GATA2: variants seen among roughly 807,000 people sequenced by gnomAD.
GATA2 encodes endothelial transcription factor GATA-2.
Under a neutral mutation model 35.7 loss-of-function variants are expected in GATA2, and 6 were observed. That is an observed-to-expected ratio of 0.17 (90% CI 0.09 to 0.33). The LOEUF (loss-of-function observed/expected upper bound fraction) is 0.33, where lower values mean the gene tolerates loss of function less well. GATA2 is among the 10% of genes least tolerant of loss of function. The pLI, the probability that GATA2 is intolerant of heterozygous loss-of-function variation, is 1.00. For missense variants in GATA2, 541 were observed against 656.6 expected, an observed-to-expected ratio of 0.82 and a Z score of 1.92; for synonymous variants, 313 against 274.9, an observed-to-expected ratio of 1.14 and a Z score of -1.37.
At position 128,486,302 on chromosome 3, in the gene GATA2, T is replaced by C. The variant is rs766288736; in HGVS notation, c.296A>G (p.Asp99Gly). Residue 99 changes from aspartate (D) to glycine (G), a missense_variant, in exon 3 of 6, where the codon GAC (aspartate) becomes GGC (glycine). Transcript: ENST00000341105. Reference sequence around the variant, plus strand: ...GGCAGAGAGGGCTGCTTTGCCCCCGTCCAGCCAGGGCAAACCCGGGCTGTG... The same window carrying C: ...GGCAGAGAGGGCTGCTTTGCCCCCGCCCAGCCAGGGCAAACCCGGGCTGTG... ...LLHSPGLPWL[D>G]GGKAALSAAA... 2.5e-6 allele frequency: 4 copies of C among 1,592,102 alleles called. No homozygotes were observed. Among genetic ancestry groups the C allele is most frequent in the Non-Finnish European group, 3.4e-6 (4 of 1,171,970 alleles).
intron 1 of GATA2, chr3:128,490,055 C>A (rs2107676147): frequency 6.6e-6 from 1 of 152,378 alleles, no homozygotes. Flanking sequence ...CTACGCGCGT[C>A]CCTCGGGAAA....
chr3:128,481,172 T>G lies in GATA2; in HGVS notation c.1290A>C (p.Ala430=), dbSNP rs766740489. ...GTGCCATGTGTCCAGCCAGGGCAGC[T>G]GCACTGAAGGGGGATGACTTCTCCT... ...CMQEKSSPFS[A]AALAGHMAPV... The change falls in exon 6 of 6, where the codon GCA becomes GCC. Residue 430 remains alanine, a synonymous_variant. Coordinates refer to ENST00000341105, the MANE Select transcript of GATA2 (RefSeq NM_032638.5). The G allele has an allele frequency of 6.2e-7, 1 of 1,614,232 alleles. No homozygotes were observed. Among genetic ancestry groups the G allele is most frequent in the East Asian group, 2.2e-5 (1 of 44,884 alleles).
intron 4 of GATA2, among the ~76,000 whole-genome samples, chr3:128,482,872 A>G (rs1185110459): frequency 6.6e-6 from 1 of 152,198 alleles, no homozygotes. Flanking sequence ...CTTCCCAGAG[A>G]ACTGCAGGCG....
Position 128,480,918 on chromosome 3 carries a change from C to T in GATA2, c.*101G>A, listed in dbSNP as rs886057926. On this transcript the variant is annotated 3_prime_UTR_variant, in exon 6 of 6. Transcript: ENST00000341105. ...CAGGAGAGGGGGTGCTGGGCCGAGCCGGGCTGGCAGGAGTGGTGTCGGCCT... is the reference window on the plus strand; with the variant it reads ...CAGGAGAGGGGGTGCTGGGCCGAGCTGGGCTGGCAGGAGTGGTGTCGGCCT... The T allele has an allele frequency of 3.1e-5, 42 of 1,344,438 alleles. No homozygotes were observed. Among genetic ancestry groups the T allele is most frequent in the Non-Finnish European group, 3.8e-5 (38 of 1,003,182 alleles). 83.3% of individuals were successfully genotyped at this position (1,344,438 alleles called of 1,614,324 possible). A position where few individuals can be genotyped will look rare whatever the true frequency, so the allele number is the denominator to read the frequency against.
At chr3:128,492,537 C>A (rs2068790187) in intron 1 of GATA2, among the ~76,000 whole-genome samples, 1 of 152,188 alleles carries the variant, frequency 6.6e-6, no homozygotes, top group South Asian at 2.1e-4. Context: ...CTCGGCGGCC[C>A]GGCTCGGACG....
rs775516037 is a variant in GATA2, at chr3:128,483,911, G to A, written c.966C>T (p.Tyr322=). Residue 322 remains tyrosine, a synonymous_variant, in exon 4 of 6, where the codon TAC becomes TAT. Transcript: ENST00000341105. ...GHYLCNACGL[Y]HKMNGQNRPL... is the part of the protein sequence containing the mutation. ...GTCGGTTCTGCCCATTCATCTTGTG[G>A]TAGAGGCCACAGGCATTGCACAGGT... 3.7e-6 allele frequency: 6 copies of A among 1,614,190 alleles called. No individual in the cohort carries two copies. The Admixed American group carries it at 5.0e-5, about 13-fold the overall frequency.
At chr3:128,486,676 G>T in intron 2 of GATA2, 127 bp downstream of exon 2, 1 of 992,780 alleles carries the variant, frequency 1.0e-6, no homozygotes, top group Non-Finnish European at 1.5e-6. Context: ...CACCTCTCCC[G>T]CCCCAATTTT....
In GATA2 at chr3:128,481,317, A is replaced by G. The variant is rs1240484231; in HGVS notation, c.1145T>C (p.Val382Ala). The G allele has an allele frequency of 1.9e-6, 3 of 1,612,158 alleles. No individual in the cohort carries two copies. In the South Asian group the frequency reaches 3.3e-5, roughly 18 times the overall value. ...ACGLYYKLHN[V>A]NRPLTMKKEG... ...CTTCTTCATGGTCAGTGGCCTGTTA[A>G]CCTAGAGGCAACCACCAGTTTTCAG... is the stretch of plus-strand genomic sequence containing the variant. Residue 382 changes from valine to alanine, a missense_variant and splice_region_variant, in exon 6 of 6, where the codon GTT becomes GCT. This residue lies in a region of GATA2 where 23 missense variants were observed against 67.2 expected (regional missense o/e 0.34). Transcript: ENST00000341105.
At chr3:128,483,809 C>T (rs2068660190) in intron 4 of GATA2, 51 bp downstream of exon 4, 13 of 1,613,248 alleles carry the variant, frequency 8.1e-6, no homozygotes, top group African/African-American at 2.7e-5. Flanking sequence ...TGTAATTAAC[C>T]GCCAGCTCCT....
At chr3:128,482,416 G>A (rs1398101000) in intron 4 of GATA2, among the ~76,000 whole-genome samples, 1 of 152,200 alleles carries the variant, frequency 6.6e-6, no homozygotes, top group Non-Finnish European at 1.5e-5. Flanking sequence ...GGCCAGCGCA[G>A]GTTTACAGAG....
Position 128,491,208 on chromosome 3 carries a change from G to GCCC in GATA2, c.-46+1688_-46+1690dup, listed in dbSNP as rs373070119. 1.3e-4 allele frequency among the ~76,000 whole-genome samples: 14 copies of GCCC among 107,440 alleles called. 3 individuals carry two copies. The highest frequency in any genetic ancestry group is 4.1e-4 in the African/African-American group (10 of 24,244). The allele number at this position is 107,440 out of a possible 152,430, so 70.5% of individuals were successfully genotyped here. ...ATGCCCAGGTCTCCCCGGCCGTCCA[G>GCCC]CCCCCCCCCCCCTCTGAGCCCTTTG... On this transcript the variant is annotated intron_variant, in intron 1 of 5. Coordinates refer to ENST00000341105, the MANE Select transcript of GATA2 (RefSeq NM_032638.5).
In GATA2 at chr3:128,486,858, G is replaced by T. The variant is rs112460453; in HGVS notation, c.174C>A (p.Pro58=). 5 of 1,612,332 alleles carry T rather than the reference G, an allele frequency of 3.1e-6. No individual in the cohort carries two copies. The East Asian group carries it at 1.1e-4, about 36-fold the overall frequency. ...GCGCGTGAGCGGGGTTGGCATAGTA[G>T]GGGTTGCCCTGCGAGTCGAGGTGAT... ...FFNHLDSQGN[P]YYANPAHARA... The change falls in exon 2 of 6, where the codon CCC becomes CCA. Residue 58 remains proline (P), a synonymous_variant. Coordinates refer to ENST00000341105, the MANE Select transcript of GATA2 (RefSeq NM_032638.5).
At chr3:128,485,678 A>G (rs773110161) in intron 3 of GATA2, 49 bp downstream of exon 3, 2 of 1,597,192 alleles carry the variant, frequency 1.3e-6, no homozygotes, top group South Asian at 2.3e-5. Flanking sequence ...CCCACCACAA[A>G]AACGCAAATG....
intron 1 of GATA2, chr3:128,490,515 C>A (rs1282639068): frequency 6.6e-6 from 1 of 152,256 alleles, no homozygotes; most frequent in East Asian, 1.9e-4. Context: ...GAAGCCTCCA[C>A]CTCGGTTGCA....
intron 4 of GATA2, among the ~76,000 whole-genome samples, chr3:128,483,620 C>T (rs934061717): frequency 2.0e-5 from 3 of 152,130 alleles, no homozygotes; most frequent in Non-Finnish European, 2.9e-5. Context: ...TCGGGGATCC[C>T]GGAGCAGAGT....
rs2068692930 is a variant in GATA2, at chr3:128,486,053, G to A, written c.545C>T (p.Ser182Phe). The change falls in exon 3 of 6, where the codon TCT becomes TTT. Residue 182 changes from serine to phenylalanine, a missense_variant. Physicochemically the swap from Ser to Phe is radical, Grantham distance 155. This residue lies in a region of GATA2 where 389 missense variants were observed against 396.9 expected (regional missense o/e 0.98). Transcript: ENST00000341105. ...GFPPTPPKEV[S>F]PDPSTTGAAS... Reference sequence around the variant, plus strand: ...AGCCCCCGTGGTGCTAGGGTCAGGAGACACTTCTTTGGGTGGCGTGGGTGG... The same window carrying A: ...AGCCCCCGTGGTGCTAGGGTCAGGAAACACTTCTTTGGGTGGCGTGGGTGG... The A allele has an allele frequency of 6.2e-7, 1 of 1,611,308 alleles. No homozygotes were observed.
rs2068610191 is a variant in GATA2, at chr3:128,480,444, A to G, written c.*575T>C. 4.2e-6 allele frequency: 1 copy of G among 236,610 alleles called. No individual in the cohort carries two copies. The highest frequency in any genetic ancestry group is 1.8e-4 in the South Asian group (1 of 5,608). The allele number at this position is 236,610 out of a possible 1,614,324, so 14.7% of individuals were successfully genotyped here. A position where few individuals can be genotyped will look rare whatever the true frequency, so the allele number is the denominator to read the frequency against. On this transcript the variant is annotated 3_prime_UTR_variant, in exon 6 of 6. Transcript: ENST00000341105. ...TGCCCTCCAGGGCCTGGCCCGTCAAAGCAGGCACCAGCTCACCCTCCCTGG... is the reference window on the plus strand; with the variant it reads ...TGCCCTCCAGGGCCTGGCCCGTCAAGGCAGGCACCAGCTCACCCTCCCTGG...
intron 1 of GATA2, chr3:128,487,681 C>G (rs1409446918): frequency 6.5e-6 from 1 of 152,676 alleles, no homozygotes; most frequent in Non-Finnish European, 1.5e-5. Context: ...CGCCCCAGGC[C>G]CCCAGCCGGC....
rs1576748346 is a variant in GATA2 at position 128,485,750 on chromosome 3, C to A, written c.848G>T (p.Arg283Leu). 6.2e-7 allele frequency: 1 copy of A among 1,613,864 alleles called. No homozygotes were observed. Among genetic ancestry groups the A allele is most frequent in the South Asian group, 1.1e-5 (1 of 91,040 alleles). Residue 283 changes from arginine (R) to leucine (L), a missense_variant, in exon 3 of 6, where the codon CGC (arginine) becomes CTC (leucine). By Grantham distance (102) the Arg-to-Leu change is moderately radical. Transcript: ENST00000341105. ...GPASSFTPKQ[R>L]SKARSCSEGR... The stretch of plus-strand genomic sequence containing the variant: ...ACCTGAACAGGAACGAGCCTTGCTG[C>A]GCTGCTTAGGGGTGAAGCTGGAGGC...
Sources: allele counts gnomAD v4.1 joint callset (sites outside exome capture counted in the v4.1 genomes callset), GRCh38; gene constraint gnomAD v4.1.1; regional missense constraint gnomAD v4.1.1; transcripts MANE v1.5; gene names NCBI Gene and HGNC (gene_info 2026-07-23, HGNC 2026-07-21).